Variants in ZFAT observed in about 807,000 individuals in gnomAD.
ZFAT encodes zinc finger protein ZFAT.
Under a neutral mutation model 117.7 loss-of-function variants are expected in ZFAT, and 64 were observed. That is an observed-to-expected ratio of 0.54 (90% CI 0.44 to 0.67). The LOEUF (loss-of-function observed/expected upper bound fraction) is 0.67. Among genes scored for constraint, ZFAT ranks in the 30% least tolerant of loss-of-function variants. ZFAT has a pLI of 0.00. For synonymous variants in ZFAT, 679 were observed against 615.0 expected (o/e 1.10, Z -1.54); for missense variants, 1,433 against 1,584.5 (o/e 0.90, Z 1.62).
rs1821551218 is a variant in ZFAT at position 134,533,070 on chromosome 8, G to A, written c.2977-98C>T. 2.0e-6 allele frequency: 3 copies of A among 1,489,540 alleles called. No individual in the cohort carries two copies. In the South Asian group the frequency reaches 3.9e-5, roughly 19 times the overall value. The allele number at this position is 1,489,540 out of a possible 1,614,324, so 92.3% of individuals were successfully genotyped here. A position where few individuals can be genotyped will look rare whatever the true frequency, so the allele number is the denominator to read the frequency against. Reference sequence around the variant, plus strand: ...TGAGCATCTGACACCCTGAAAGCCTGAGATGAGCAGGCCCCATCACCTGTG... The same window carrying A: ...TGAGCATCTGACACCCTGAAAGCCTAAGATGAGCAGGCCCCATCACCTGTG... On this transcript the variant is annotated intron_variant, in intron 11 of 15. Coordinates refer to ENST00000377838, the MANE Select transcript of ZFAT (RefSeq NM_020863.4).
chr8:134,512,470 C>T lies in ZFAT; in HGVS notation c.3361+5G>A. 6.2e-7 allele frequency: 1 copy of T among 1,613,274 alleles called. No homozygotes were observed. Among genetic ancestry groups the T allele is most frequent in the Non-Finnish European group, 8.5e-7 (1 of 1,179,654 alleles). ...AGATGGCAAAGGAAGACCAGGCGTC[C>T]TCACCACTCTCAGAGGTGTATCTCA... On this transcript the variant is annotated splice_donor_5th_base_variant and intron_variant, in intron 14 of 15. Coordinates refer to ENST00000377838, the MANE Select transcript of ZFAT (RefSeq NM_020863.4).
At chr8:134,706,166 T>C (rs573529934) in intron 1 of ZFAT, among the ~76,000 whole-genome samples, 1 of 152,334 alleles carries the variant, frequency 6.6e-6, no homozygotes, top group South Asian at 2.1e-4. Context: ...TATGTACTTA[T>C]TAACCCAGAA....
intron 1 of ZFAT, among the ~76,000 whole-genome samples, chr8:134,709,266 A>C (rs952619699): frequency 1.3e-5 from 2 of 152,210 alleles, no homozygotes; most frequent in African/African-American, 2.4e-5. Flanking sequence ...ATGACAATGT[A>C]CTGAGCTGTA....
intron 10 of ZFAT, among the ~76,000 whole-genome samples, chr8:134,572,421 C>A (rs1824986488): frequency 6.6e-6 from 1 of 152,216 alleles, no homozygotes; most frequent in Non-Finnish European, 1.5e-5. Context: ...CGCTACTGCA[C>A]ACAAACCAGA....
At chr8:134,720,090 C>G in the ZFAT span, among the ~76,000 whole-genome samples, 6 of 152,232 alleles carry the variant, frequency 3.9e-5, no homozygotes, top group Non-Finnish European at 5.9e-5. Context: ...TAAGGAAGCT[C>G]AAGCTAAACT....
chr8:134,662,227 C>T (rs72609896), intron 1 of ZFAT, among the ~76,000 whole-genome samples: 8,520 of 152,154 alleles, frequency 0.056, 461 homozygotes, highest in East Asian at 0.26. Context: ...TCATGAAGGC[C>T]CCACCCTCAC....
intron 1 of ZFAT, among the ~76,000 whole-genome samples, chr8:134,699,182 GAGC>G (rs747449881): frequency 4.9e-4 from 75 of 152,278 alleles, no homozygotes; most frequent in South Asian, 4.1e-4. Context: ...CCACACCTGA[GAGC>G]AGGTCAAACC....
chr8:134,675,498 T>C (rs1047290440), intron 1 of ZFAT, among the ~76,000 whole-genome samples: 2 of 152,076 alleles, frequency 1.3e-5, no homozygotes, highest in African/African-American at 2.4e-5. Flanking sequence ...CTGAAAGTGA[T>C]AGAGAGAATG....
At chr8:134,646,128 G>C (rs1450316477) in intron 2 of ZFAT, among the ~76,000 whole-genome samples, 2 of 152,302 alleles carry the variant, frequency 1.3e-5, no homozygotes, top group South Asian at 2.1e-4. Context: ...AGAATCGCTT[G>C]AAACTGGAAG....
chr8:134,641,572 C>T (rs1325941194), intron 2 of ZFAT, among the ~76,000 whole-genome samples: 1 of 152,182 alleles, frequency 6.6e-6, no homozygotes, highest in Non-Finnish European at 1.5e-5. Context: ...GCGCCCACAC[C>T]ACTCCCTGAT....
At chr8:134,619,948 T>G (rs1304416609) in intron 3 of ZFAT, among the ~76,000 whole-genome samples, 1 of 152,108 alleles carries the variant, frequency 6.6e-6, no homozygotes, top group Non-Finnish European at 1.5e-5. Context: ...CCCTCCTGCC[T>G]CTGATGCTCT....
intron 3 of ZFAT, 112 bp from the exon 4 acceptor site, chr8:134,610,767 G>A: frequency 2.5e-6 from 3 of 1,195,984 alleles, no homozygotes; most frequent in Non-Finnish European, 2.3e-6. Context: ...TCTTTGGTCT[G>A]CAGTGCCACG....
chr8:134,670,830 G>C (rs1563749058), intron 1 of ZFAT, among the ~76,000 whole-genome samples: 2 of 152,140 alleles, frequency 1.3e-5, no homozygotes, highest in Non-Finnish European at 2.9e-5. Context: ...TTTTTGAAAA[G>C]ATCAACAAAA....
chr8:134,543,867 CCTCCCCA>C, intron 11 of ZFAT, among the ~76,000 whole-genome samples: 1 of 152,204 alleles, frequency 6.6e-6, no homozygotes, highest in East Asian at 1.9e-4. Context: ...AAATACCCAC[CCTCCCCA>C]CTTAAAACAA....
chr8:134,671,447 A>G (rs1164965579), intron 1 of ZFAT, among the ~76,000 whole-genome samples: 1 of 152,232 alleles, frequency 6.6e-6, no homozygotes, highest in African/African-American at 2.4e-5. Flanking sequence ...GGCTGGTTCA[A>G]CATACACAAA....
rs182919862 is a variant in ZFAT, at chr8:134,554,637, G to C, written c.2976+10696C>G. Among the ~76,000 whole-genome samples the C allele has an allele frequency of 6.7e-4, 102 of 152,304 alleles. 2 individuals carry two copies. The highest frequency in any genetic ancestry group is 5.7e-3 in the Admixed American group (87 of 15,292). On this transcript the variant is annotated intron_variant, in intron 11 of 15. Transcript: ENST00000377838. ...TGCCAACTCTCCAAAGAGTTCCCCA[G>C]GCAGAGCAAGGCAGGAGAGAGATGC... is the stretch of plus-strand genomic sequence containing the variant.
At chr8:134,766,600 T>C in the ZFAT span, 1 of 152,216 alleles carries the variant, frequency 6.6e-6, no homozygotes, top group African/African-American at 2.4e-5. Flanking sequence ...TACATTCATC[T>C]ACTGTACTCT....
intron 13 of ZFAT, among the ~76,000 whole-genome samples, chr8:134,513,983 T>C (rs1179763247): frequency 1.3e-5 from 2 of 152,254 alleles, no homozygotes; most frequent in African/African-American, 2.4e-5. Context: ...ATCCAGGCAA[T>C]GCCTGAGCCC....
chr8:134,780,228 A>C, the ZFAT span, among the ~76,000 whole-genome samples: 1 of 152,030 alleles, frequency 6.6e-6, no homozygotes. Context: ...TCTCCCATTC[A>C]CCCGCCCCTA....
Sources: allele counts gnomAD v4.1 joint callset (sites outside exome capture counted in the v4.1 genomes callset), GRCh38; gene constraint gnomAD v4.1.1; transcripts MANE v1.5; gene names NCBI Gene and HGNC (gene_info 2026-07-23, HGNC 2026-07-21).